The following NEXMIF variants were observed in gnomAD, a reference collection of about 807,000 sequenced individuals.
NEXMIF encodes neurite extension and migration factor.
NEXMIF carries 8 observed loss-of-function variants against 62.1 expected under a neutral mutation model. The observed-to-expected ratio is 0.13, with a 90% CI of 0.08 to 0.23. The LOEUF is 0.23. Among genes scored for constraint, NEXMIF ranks in the 10% least tolerant of loss-of-function variants. NEXMIF has a pLI of 1.00. For missense variants in NEXMIF, 976 were observed against 1,113.3 expected (o/e 0.88, Z 1.75); for synonymous variants, 404 against 416.6 (o/e 0.97, Z 0.37).
chrX:74,916,509 T>C (rs2080807506), intron 1 of NEXMIF, among the ~76,000 whole-genome samples: 2 of 111,349 alleles, frequency 1.8e-5, no homozygotes, highest in Admixed American at 9.5e-5. Flanking sequence ...GGAGTGGGAC[T>C]GGTAGCTTTA....
At chrX:74,919,320 CTCT>C (rs997400586) in intron 1 of NEXMIF, among the ~76,000 whole-genome samples, 8 of 111,415 alleles carry the variant, frequency 7.2e-5, no homozygotes, top group Non-Finnish European at 1.9e-5. Flanking sequence ...CCAGAAAGAT[CTCT>C]TAACTAGGAA....
chrX:74,873,101 T>A (rs1384240162), intron 1 of NEXMIF, among the ~76,000 whole-genome samples: 1 of 110,370 alleles, frequency 9.1e-6, no homozygotes, highest in African/African-American at 3.3e-5. Context: ...TAACTCGTCA[T>A]CTAGCATTAG....
chrX:74,880,118 A>G (rs1273801916), intron 1 of NEXMIF, among the ~76,000 whole-genome samples: 1 of 111,996 alleles, frequency 8.9e-6, no homozygotes, highest in Non-Finnish European at 1.9e-5. Flanking sequence ...AAATGCATCT[A>G]TTTCCAATGG....
chrX:74,739,227 G>A lies in NEXMIF; in HGVS notation c.*178C>T. 2.8e-6 allele frequency: 1 copy of A among 361,885 alleles called. No homozygotes were observed. Among genetic ancestry groups the A allele is most frequent in the Non-Finnish European group, 4.7e-6 (1 of 211,676 alleles). 29.8% of individuals were successfully genotyped at this position (361,885 alleles called of 1,213,427 possible). On this transcript the variant is annotated 3_prime_UTR_variant, in exon 4 of 4. Coordinates refer to ENST00000055682, the MANE Select transcript of NEXMIF (RefSeq NM_001008537.3). ...AATGTTTTCAATTTTTTCCTTGTGG[G>A]TAAATAGTGCATAAACTACTTGTGC...
intron 1 of NEXMIF, among the ~76,000 whole-genome samples, chrX:74,783,940 TCA>T (rs1270652910): frequency 1.8e-5 from 2 of 110,890 alleles, no homozygotes; most frequent in Admixed American, 1.9e-4. Flanking sequence ...GTGCACTTCC[TCA>T]GGATGTTCCC....
intron 1 of NEXMIF, among the ~76,000 whole-genome samples, chrX:74,864,617 G>A (rs1211006676): frequency 8.9e-6 from 1 of 112,109 alleles, no homozygotes; most frequent in African/African-American, 3.2e-5. Context: ...CTCCTCCTTT[G>A]CCTTCCACTA....
chrX:74,882,139 A>G (rs1302381647), intron 1 of NEXMIF, among the ~76,000 whole-genome samples: 1 of 110,070 alleles, frequency 9.1e-6, no homozygotes, highest in East Asian at 2.9e-4. Context: ...CATCAATGAT[A>G]GACTGGATAA....
At chrX:74,764,939 C>T (rs1270567793) in intron 1 of NEXMIF, among the ~76,000 whole-genome samples, 1 of 111,338 alleles carries the variant, frequency 9.0e-6, no homozygotes, top group Non-Finnish European at 1.9e-5. Context: ...TCTATCAGGT[C>T]CATTTGGTCC....
chrX:74,741,888 G>C lies in NEXMIF; in HGVS notation c.2669C>G (p.Pro890Arg). 1.7e-6 allele frequency: 2 copies of C among 1,211,535 alleles called. No individual in the cohort carries two copies. The highest frequency in any genetic ancestry group is 2.2e-6 in the Non-Finnish European group (2 of 895,322). ...MESSNYRNVW[P>R]NKATSGTQEF... ...CTGGGTGCCAGAAGTAGCCTTGTTG[G>C]GCCACACATTTCTATAGTTGCTTGA... The change falls in exon 3 of 4, where the codon CCC (proline) becomes CGC (arginine). Residue 890 changes from proline (P) to arginine (R), a missense_variant. By Grantham distance (103) the Pro-to-Arg change is moderately radical. This residue lies in a region of NEXMIF where 639 missense variants were observed against 694.5 expected (regional missense o/e 0.92). Coordinates refer to ENST00000055682, the MANE Select transcript of NEXMIF (RefSeq NM_001008537.3).
At chrX:74,764,851 T>C (rs2080189949) in intron 1 of NEXMIF, among the ~76,000 whole-genome samples, 1 of 112,075 alleles carries the variant, frequency 8.9e-6, no homozygotes, top group African/African-American at 3.2e-5. Context: ...GATTGTGTGG[T>C]TGATTATAGA....
intron 1 of NEXMIF, among the ~76,000 whole-genome samples, chrX:74,876,459 T>A (rs772390584): frequency 9.0e-6 from 1 of 111,611 alleles, no homozygotes; most frequent in East Asian, 2.8e-4. Context: ...GAAAAAAATG[T>A]ATATTCTGTG....
chrX:74,742,359 A>C lies in NEXMIF; in HGVS notation c.2198T>G (p.Val733Gly), dbSNP rs781155662. ...CTTGCTTTCTTGCCCAGCAGCTTTG[A>C]CTTTCTTAGATTTTAACCTAGCTTC... is the stretch of plus-strand genomic sequence containing the variant. ...KSEARLKSKK[V>G]KAAGQESKPI... Residue 733 changes from valine (V) to glycine (G), a missense_variant, in exon 3 of 4, where the codon GTC becomes GGC. Physicochemically the swap from Val to Gly is moderately radical, Grantham distance 109. Around this residue, in one of 5 missense-constraint regions of NEXMIF, gnomAD observed 639 missense variants for 694.5 expected, o/e 0.92. Coordinates refer to ENST00000055682, the MANE Select transcript of NEXMIF (RefSeq NM_001008537.3). The C allele has an allele frequency of 8.3e-7, 1 of 1,210,855 alleles. No homozygotes were observed.
At chrX:74,768,874 T>C (rs796563127) in intron 1 of NEXMIF, among the ~76,000 whole-genome samples, 1 of 111,914 alleles carries the variant, frequency 8.9e-6, no homozygotes, top group South Asian at 3.7e-4. Flanking sequence ...TACCCAGCCA[T>C]GTGCGTGAGA....
intron 1 of NEXMIF, among the ~76,000 whole-genome samples, chrX:74,823,578 G>T (rs2080404492): frequency 9.0e-6 from 1 of 111,204 alleles, no homozygotes; most frequent in South Asian, 3.7e-4. Context: ...TTATGAAAGA[G>T]AATTATCTTG....
intron 1 of NEXMIF, among the ~76,000 whole-genome samples, chrX:74,851,233 C>T (rs2080512345): frequency 9.0e-6 from 1 of 110,891 alleles, no homozygotes; most frequent in Admixed American, 9.6e-5. Flanking sequence ...AAGGAGACCA[C>T]AAATTGACCA....
chrX:74,801,060 C>T (rs2080328232), intron 1 of NEXMIF, among the ~76,000 whole-genome samples: 2 of 111,536 alleles, frequency 1.8e-5, no homozygotes, highest in African/African-American at 3.3e-5. Flanking sequence ...GTCGTATAGT[C>T]GGAATCATAC....
At chrX:74,792,081 G>A (rs1403511245) in intron 1 of NEXMIF, among the ~76,000 whole-genome samples, 2 of 108,677 alleles carry the variant, frequency 1.8e-5, no homozygotes, top group Non-Finnish European at 3.8e-5. Flanking sequence ...TGTCAATTTT[G>A]GATCTTTCCT....
intron 1 of NEXMIF, among the ~76,000 whole-genome samples, chrX:74,791,381 G>T (rs895371717): frequency 9.0e-6 from 1 of 111,526 alleles, no homozygotes; most frequent in African/African-American, 3.3e-5. Context: ...CGGTTTGCCA[G>T]TATTTTATTG....
chrX:74,893,535 T>C (rs918861478), intron 1 of NEXMIF, among the ~76,000 whole-genome samples: 1 of 112,015 alleles, frequency 8.9e-6, no homozygotes, highest in Non-Finnish European at 1.9e-5. Context: ...AATGTAAAAA[T>C]TGTTATATTT....
Sources: gnomAD v4.1 joint callset for allele counts (sites outside exome capture counted in the v4.1 genomes callset) on GRCh38, gnomAD v4.1.1 for gene constraint, gnomAD v4.1.1 regional missense constraint, MANE v1.5 for transcripts, NCBI Gene and HGNC (gene_info 2026-07-23, HGNC 2026-07-21) for gene names.